Variants in TLN2 observed in about 807,000 individuals in gnomAD.
TLN2 encodes the protein talin-2.
TLN2 carries 118 observed loss-of-function variants against 294.7 expected under a neutral mutation model. The observed-to-expected ratio is 0.40, with a 90% CI of 0.34 to 0.47. TLN2 has a LOEUF of 0.47. TLN2 is among the 20% of genes least tolerant of loss of function. TLN2 has a pLI of 0.84. For synonymous variants in TLN2, 1,431 were observed against 1,304.5 expected, an observed-to-expected ratio of 1.10 and a Z score of -2.09; for missense variants, 3,083 against 3,282.2, an observed-to-expected ratio of 0.94 and a Z score of 1.48.
At chr15:62,825,871 T>TA (rs1440736222) in intron 54 of TLN2, among the ~76,000 whole-genome samples, 2 of 99,246 alleles carry the variant, frequency 2.0e-5, no homozygotes, top group African/African-American at 4.5e-5. Flanking sequence ...TATATATTTA[T>TA]ATATATATAT....
At chr15:62,624,473 A>G (rs4293325) in intron 3 of TLN2, among the ~76,000 whole-genome samples, 151,457 of 152,322 alleles carry the variant, frequency 0.99, 75,302 homozygotes, top group Middle Eastern at 1. Flanking sequence ...GATAGGACGC[A>G]TGAATGTGCT....
chr15:62,745,964 G>T (rs1340755403), intron 32 of TLN2, among the ~76,000 whole-genome samples: 1 of 152,060 alleles, frequency 6.6e-6, no homozygotes, highest in Non-Finnish European at 1.5e-5. Context: ...GCACTTTTGT[G>T]GATTACCCAA....
intron 1 of TLN2, among the ~76,000 whole-genome samples, chr15:62,423,441 T>A (rs1330005327): frequency 6.6e-6 from 1 of 152,182 alleles, no homozygotes; most frequent in African/African-American, 2.4e-5. Context: ...TGTGTCTCCA[T>A]GTTACCAGCA....
At position 62,414,152 on chromosome 15, in the gene TLN2, C is replaced by CAA. The variant is rs564398066; in HGVS notation, c.-238+23477_-238+23478dup. On this transcript the variant is annotated intron_variant, in intron 1 of 58. Transcript: ENST00000636159. ...TTGGTTGAACTCAGTGAAGTGTTAG[C>CAA]AAAAAAAAAAACTATATATATATAT... 9.8e-5 allele frequency among the ~76,000 whole-genome samples: 5 copies of CAA among 51,058 alleles called. 1 individual carries two copies. Among genetic ancestry groups the CAA allele is most frequent in the Admixed American group, 5.5e-4 (2 of 3,612 alleles). The allele number at this position is 51,058 out of a possible 152,430, so 33.5% of individuals were successfully genotyped here.
intron 27 of TLN2, among the ~76,000 whole-genome samples, 192 bp from the exon 28 acceptor site, chr15:62,726,895 G>C (rs1417378898): frequency 6.6e-6 from 1 of 152,170 alleles, no homozygotes; most frequent in African/African-American, 2.4e-5. Context: ...ATGGGGCAGG[G>C]ATTTGCACCC....
At chr15:62,498,681 T>C (rs1265716918) in intron 1 of TLN2, among the ~76,000 whole-genome samples, 6 of 152,156 alleles carry the variant, frequency 3.9e-5, no homozygotes, top group Non-Finnish European at 7.3e-5. Context: ...ACGTATCTAC[T>C]GACCCCCAGT....
intron 52 of TLN2, among the ~76,000 whole-genome samples, chr15:62,815,231 A>ACT (rs1178742171): frequency 2.5e-5 from 3 of 119,130 alleles, no homozygotes; most frequent in African/African-American, 9.6e-5. Flanking sequence ...ACACACACAC[A>ACT]CTCACTCGCT....
chr15:62,629,479 A>G (rs2049583504), intron 3 of TLN2, among the ~76,000 whole-genome samples: 2 of 152,178 alleles, frequency 1.3e-5, no homozygotes, highest in East Asian at 3.9e-4. Context: ...GGTGTTACCT[A>G]CTGTGAATTT....
At chr15:62,490,841 G>A (rs1294134392) in intron 1 of TLN2, among the ~76,000 whole-genome samples, 1 of 152,098 alleles carries the variant, frequency 6.6e-6, no homozygotes, top group Non-Finnish European at 1.5e-5. Flanking sequence ...TTGCTTTGGG[G>A]TCATTCCCAC....
chr15:62,573,247 C>T (rs1482267483), intron 1 of TLN2, among the ~76,000 whole-genome samples: 1 of 152,188 alleles, frequency 6.6e-6, no homozygotes, highest in Non-Finnish European at 1.5e-5. Flanking sequence ...TCCTCCTTGT[C>T]TTCTCACTCT....
At chr15:62,735,641 A>G (rs1305184965) in intron 28 of TLN2, among the ~76,000 whole-genome samples, 1 of 152,230 alleles carries the variant, frequency 6.6e-6, no homozygotes, top group Non-Finnish European at 1.5e-5. Context: ...GGAATGTGTA[A>G]TGGTAAAGTC....
chr15:62,605,524 C>T (rs994453177), intron 2 of TLN2, among the ~76,000 whole-genome samples: 11 of 152,122 alleles, frequency 7.2e-5, no homozygotes, highest in African/African-American at 2.7e-4. Flanking sequence ...TTCCAGTCTA[C>T]TCCCTATCCC....
At chr15:62,413,429 T>A (rs1285146253) in intron 1 of TLN2, among the ~76,000 whole-genome samples, 1 of 152,182 alleles carries the variant, frequency 6.6e-6, no homozygotes, top group Non-Finnish European at 1.5e-5. Flanking sequence ...CTAGTCCATC[T>A]GAAGTGTACA....
At chr15:62,622,336 G>T (rs2048903377) in intron 3 of TLN2, among the ~76,000 whole-genome samples, 1 of 152,140 alleles carries the variant, frequency 6.6e-6, no homozygotes, top group African/African-American at 2.4e-5. Context: ...AAAAGTTGGG[G>T]ATTTTGTGGG....
intron 9 of TLN2, among the ~76,000 whole-genome samples, chr15:62,660,608 G>C (rs1047061819): frequency 2.0e-5 from 3 of 152,162 alleles, no homozygotes; most frequent in Admixed American, 6.5e-5. Context: ...TCAGGTATTT[G>C]CTTTATGCTT....
At chr15:62,498,756 C>A (rs527589659) in intron 1 of TLN2, among the ~76,000 whole-genome samples, 1 of 151,358 alleles carries the variant, frequency 6.6e-6, no homozygotes, top group East Asian at 1.9e-4. Flanking sequence ...CCTTATAGTT[C>A]TTTTCATATA....
intron 1 of TLN2, among the ~76,000 whole-genome samples, chr15:62,525,015 T>G (rs917901017): frequency 1.1e-4 from 16 of 152,230 alleles, no homozygotes; most frequent in African/African-American, 3.9e-4. Flanking sequence ...CTCATCCTCA[T>G]AGTCATCGTG....
At chr15:62,507,391 G>A (rs1404351409) in intron 1 of TLN2, among the ~76,000 whole-genome samples, 1 of 152,166 alleles carries the variant, frequency 6.6e-6, no homozygotes, top group Admixed American at 6.5e-5. Context: ...CCCACCTCCC[G>A]CAACCGAGTC....
At chr15:62,647,861 T>A (rs1478183355) in intron 4 of TLN2, among the ~76,000 whole-genome samples, 1 of 152,152 alleles carries the variant, frequency 6.6e-6, no homozygotes, top group Non-Finnish European at 1.5e-5. Flanking sequence ...TTTCAAGTTT[T>A]TTGACAGGGA....
Sources: allele counts gnomAD v4.1 joint callset (sites outside exome capture counted in the v4.1 genomes callset), GRCh38; gene constraint gnomAD v4.1.1; transcripts MANE v1.5; gene names NCBI Gene and HGNC (gene_info 2026-07-23, HGNC 2026-07-21).